Variants in UGT1A8 observed in about 807,000 individuals in gnomAD.
UGT1A8 encodes the protein UDP glucuronosyltransferase family 1 member A8.
Under a neutral mutation model 45.3 loss-of-function variants are expected in UGT1A8, and 39 were observed. The ratio of observed to expected loss-of-function variants is 0.86; its 90% CI spans 0.67 to 1.12. UGT1A8 has a LOEUF of 1.12. Ranked by LOEUF, UGT1A8 falls within the 50% of genes most tolerant of loss-of-function variation. The probability of loss-of-function intolerance (pLI) is 0.00; values close to 1 mark genes in which losing one functional copy is unlikely to be tolerated. For missense variants in UGT1A8, 719 were observed against 664.9 expected (o/e 1.08, Z -0.90); for synonymous variants, 275 against 249.2 (o/e 1.10, Z -0.97).
At chr2:233,712,264 CT>C (rs2076222738) in intron 1 of UGT1A8, among the ~76,000 whole-genome samples, 1 of 152,216 alleles carries the variant, frequency 6.6e-6, no homozygotes, top group African/African-American at 2.4e-5. Flanking sequence ...CACATGTGTG[CT>C]TTAGACAGCA....
At chr2:233,713,929 A>C in intron 1 of UGT1A8, 1 of 1,611,962 alleles carries the variant, frequency 6.2e-7, no homozygotes, top group African/African-American at 1.3e-5. Flanking sequence ...TTTACTTACA[A>C]GTGCTTCCAT....
chr2:233,753,284 A>G (rs1327448691), intron 1 of UGT1A8: 1 of 152,242 alleles, frequency 6.6e-6, no homozygotes, highest in African/African-American at 2.4e-5. Context: ...TTGATTTCAG[A>G]GTTCAGTGTG....
intron 1 of UGT1A8, among the ~76,000 whole-genome samples, chr2:233,665,133 G>T (rs1265562833): frequency 1.3e-5 from 2 of 152,126 alleles, no homozygotes; most frequent in East Asian, 1.9e-4. Flanking sequence ...TGGACATATT[G>T]TTCTTTACTT....
chr2:233,705,147 AAAGAG>A (rs1423944369), intron 1 of UGT1A8, among the ~76,000 whole-genome samples: 11 of 152,088 alleles, frequency 7.2e-5, no homozygotes, highest in East Asian at 5.8e-4. Context: ...AAAAAAAAAA[AAAGAG>A]AGAGAGAGAG....
At chr2:233,681,752 G>C (rs2074537408) in intron 1 of UGT1A8, 2 of 838,916 alleles carry the variant, frequency 2.4e-6, no homozygotes, top group African/African-American at 1.8e-5. Context: ...ATATAAGCAG[G>C]TATCTCAGCA....
chr2:233,729,265 G>A (rs761772546), intron 1 of UGT1A8: 3 of 1,614,128 alleles, frequency 1.9e-6, no homozygotes, highest in East Asian at 2.2e-5. Flanking sequence ...CATGCGGGAG[G>A]TCTTGCGGGA....
At chr2:233,643,528 T>C (rs772773856) in intron 1 of UGT1A8, among the ~76,000 whole-genome samples, 14 of 152,232 alleles carry the variant, frequency 9.2e-5, no homozygotes, top group South Asian at 2.1e-4. Context: ...AAAAGCCCTC[T>C]TGATGCTCTA....
chr2:233,756,397 G>C (rs553407927), intron 1 of UGT1A8: 1 of 151,856 alleles, frequency 6.6e-6, no homozygotes. Flanking sequence ...TACAGTATTG[G>C]TTTTTTATTT....
chr2:233,661,340 A>T (rs1204032018), intron 1 of UGT1A8, among the ~76,000 whole-genome samples: 1 of 152,090 alleles, frequency 6.6e-6, no homozygotes, highest in African/African-American at 2.4e-5. Context: ...CATTACCATT[A>T]CCACCAGGAG....
rs991144087 is a variant in UGT1A8 at position 233,687,245 on chromosome 2, A to T, written c.855+68683A>T. On this transcript the variant is annotated intron_variant, in intron 1 of 4. Transcript: ENST00000373450. ...CACAATTATCTCCAACCTCCACAAG[A>T]TTAATGATCTTAACCATGCATTCAG... Among the ~76,000 whole-genome samples the T allele has an allele frequency of 5.1e-4, 77 of 152,304 alleles. 1 individual carries two copies. Among genetic ancestry groups the T allele is most frequent in the Admixed American group, 5.0e-3 (77 of 15,302 alleles).
At chr2:233,730,406 G>A (rs538447912) in intron 1 of UGT1A8, among the ~76,000 whole-genome samples, 13 of 152,316 alleles carry the variant, frequency 8.5e-5, no homozygotes, top group African/African-American at 3.1e-4. Flanking sequence ...AATTACAATT[G>A]TTGACATGAT....
At chr2:233,748,499 T>C (rs1693956853) in intron 1 of UGT1A8, among the ~76,000 whole-genome samples, 1 of 151,838 alleles carries the variant, frequency 6.6e-6, no homozygotes, top group Admixed American at 6.5e-5. Context: ...GTGATAATTT[T>C]TAGTGGTCCT....
chr2:233,727,376 G>A lies in UGT1A8; in HGVS notation c.856-39658G>A, dbSNP rs2077610923. The stretch of plus-strand genomic sequence containing the variant: ...TATCCTTAGGGCCCCTAGGTCTCTG[G>A]AGTACCACCGTCTTCCAAGATACAT... On this transcript the variant is annotated intron_variant, in intron 1 of 4. Transcript: ENST00000373450. Among the ~76,000 whole-genome samples the A allele has an allele frequency of 2.0e-5, 3 of 152,142 alleles. No homozygotes were observed. The South Asian group carries it at 6.2e-4, about 32-fold the overall frequency.
chr2:233,753,976 G>A (rs531716097), intron 1 of UGT1A8, among the ~76,000 whole-genome samples: 12 of 152,206 alleles, frequency 7.9e-5, no homozygotes, highest in Non-Finnish European at 1.6e-4. Flanking sequence ...AACGTGTGTT[G>A]TTTTAAGCCA....
chr2:233,662,046 G>T (rs147801304), intron 1 of UGT1A8, among the ~76,000 whole-genome samples: 1 of 152,136 alleles, frequency 6.6e-6, no homozygotes, highest in Non-Finnish European at 1.5e-5. Flanking sequence ...GCAACAGGGG[G>T]TGGCTATGAA....
intron 1 of UGT1A8, chr2:233,743,959 C>T (rs371517697): frequency 1.3e-4 from 174 of 1,333,872 alleles, no homozygotes; most frequent in Non-Finnish European, 1.7e-4. Flanking sequence ...GCACAGCGAG[C>T]GGCAAGGCTG....
intron 1 of UGT1A8, among the ~76,000 whole-genome samples, chr2:233,685,880 A>G (rs1356115880): frequency 1.3e-5 from 2 of 152,244 alleles, no homozygotes; most frequent in African/African-American, 4.8e-5. Context: ...ACAATCAATA[A>G]TTCTTTAATA....
At chr2:233,705,665 T>A (rs140439487) in intron 1 of UGT1A8, among the ~76,000 whole-genome samples, 1 of 152,330 alleles carries the variant, frequency 6.6e-6, no homozygotes, top group African/African-American at 2.4e-5. Flanking sequence ...AAATTATAGT[T>A]GTGAGATAAT....
At chr2:233,672,085 A>C (rs1250541638) in intron 1 of UGT1A8, 1 of 1,614,142 alleles carries the variant, frequency 6.2e-7, no homozygotes. Context: ...ACTCATTCTC[A>C]GGGGGCATGA....
Sources: allele counts gnomAD v4.1 joint callset (sites outside exome capture counted in the v4.1 genomes callset), GRCh38; gene constraint gnomAD v4.1.1; transcripts MANE v1.5; gene names NCBI Gene and HGNC (gene_info 2026-07-23, HGNC 2026-07-21).